Variants in MAPK10 observed in about 807,000 individuals in gnomAD.
MAPK10 encodes mitogen-activated protein kinase 10, also known as JNK3 alpha protein kinase.
Under a neutral mutation model 59.3 loss-of-function variants are expected in MAPK10, and 25 were observed. The ratio of observed to expected loss-of-function variants is 0.42; its 90% confidence interval spans 0.31 to 0.59. The LOEUF (loss-of-function observed/expected upper bound fraction) is 0.59. MAPK10 is among the 20% of genes least tolerant of loss of function. The pLI, the probability that MAPK10 is intolerant of heterozygous loss-of-function variation, is 0.15. For missense variants in MAPK10, 351 were observed against 568.9 expected (o/e 0.62, Z 3.90); for synonymous variants, 190 against 200.5 (o/e 0.95, Z 0.44).
chr4:86,440,853 G>C (rs987866638), intron 1 of MAPK10, among the ~76,000 whole-genome samples: 1 of 152,028 alleles, frequency 6.6e-6, no homozygotes, highest in African/African-American at 2.4e-5. Context: ...GTGGGTGTTC[G>C]GAAATATTTA....
At chr4:86,039,550 C>T (rs1331818807) in intron 11 of MAPK10, among the ~76,000 whole-genome samples, 1 of 152,178 alleles carries the variant, frequency 6.6e-6, no homozygotes, top group Non-Finnish European at 1.5e-5. Context: ...AAGGTCTATA[C>T]AGCAGACTTG....
chr4:86,013,600 ATTTT>A lies in MAPK10; in HGVS notation c.*3624_*3627del, dbSNP rs368733233. The A allele has an allele frequency of 1.4e-4, 21 of 151,546 alleles. No individual in the cohort carries two copies. The East Asian group carries it at 2.1e-3, about 15-fold the overall frequency. 9.4% of individuals were successfully genotyped at this position (151,546 alleles called of 1,614,324 possible). On this transcript the variant is annotated 3_prime_UTR_variant, in exon 14 of 14. Coordinates refer to ENST00000641462, the MANE Select transcript of MAPK10 (RefSeq NM_138982.4). ...ATTTTAAAACAAATCAAGTTTGCTT[ATTTT>A]TTTTTCCTTGACAGGACATAAAAGG...
At chr4:86,186,081 A>G (rs907666851) in intron 3 of MAPK10, among the ~76,000 whole-genome samples, 2 of 152,162 alleles carry the variant, frequency 1.3e-5, no homozygotes, top group Non-Finnish European at 1.5e-5. Flanking sequence ...AAATTTAATC[A>G]TCTATTTAAC....
At chr4:86,308,056 TG>T (rs1460760897) in intron 2 of MAPK10, among the ~76,000 whole-genome samples, 1 of 152,086 alleles carries the variant, frequency 6.6e-6, no homozygotes, top group Non-Finnish European at 1.5e-5. Flanking sequence ...CTGTCGAAAA[TG>T]ACTCAGATTC....
intron 1 of MAPK10, among the ~76,000 whole-genome samples, chr4:86,513,786 T>C (rs1020437347): frequency 1.3e-5 from 2 of 152,184 alleles, no homozygotes; most frequent in African/African-American, 4.8e-5. Flanking sequence ...TGACTCCTGA[T>C]AGAATAATAC....
At chr4:86,437,905 TA>T (rs1183464689) in intron 1 of MAPK10, among the ~76,000 whole-genome samples, 1 of 152,178 alleles carries the variant, frequency 6.6e-6, no homozygotes, top group Non-Finnish European at 1.5e-5. Flanking sequence ...GAATATTCTA[TA>T]ACAATAAAAA....
intron 1 of MAPK10, among the ~76,000 whole-genome samples, chr4:86,521,706 C>T (rs1328731318): frequency 6.6e-6 from 1 of 152,072 alleles, no homozygotes; most frequent in East Asian, 1.9e-4. Context: ...TGAGATCTTG[C>T]CCCAGGCTAC....
intron 1 of MAPK10, among the ~76,000 whole-genome samples, chr4:86,579,499 A>C (rs1762114004): frequency 6.9e-6 from 1 of 144,516 alleles, no homozygotes; most frequent in Admixed American, 7.2e-5. Context: ...AAATACAAGC[A>C]AATATGGATA....
intron 4 of MAPK10, among the ~76,000 whole-genome samples, chr4:86,111,669 G>A (rs1162063535): frequency 1.3e-5 from 2 of 152,128 alleles, no homozygotes; most frequent in Non-Finnish European, 2.9e-5. Context: ...GCTAATCAGG[G>A]ATATTGGCCT....
At chr4:86,216,599 A>G (rs1477140706) in intron 2 of MAPK10, among the ~76,000 whole-genome samples, 1 of 151,884 alleles carries the variant, frequency 6.6e-6, no homozygotes, top group Non-Finnish European at 1.5e-5. Flanking sequence ...CATAAGATTA[A>G]TCCCTAATAA....
chr4:86,513,194 C>T (rs1756413707), intron 1 of MAPK10, among the ~76,000 whole-genome samples: 1 of 152,102 alleles, frequency 6.6e-6, no homozygotes, highest in Non-Finnish European at 1.5e-5. Flanking sequence ...ACTACAGGCA[C>T]ATACCACTAT....
chr4:86,168,071 TGA>T (rs2072495764), intron 3 of MAPK10, among the ~76,000 whole-genome samples: 1 of 151,986 alleles, frequency 6.6e-6, no homozygotes, highest in African/African-American at 2.4e-5. Context: ...ACAAGCATTC[TGA>T]GAGGACAGCC....
chr4:86,166,379 A>T (rs2071730699), intron 3 of MAPK10, among the ~76,000 whole-genome samples: 1 of 152,184 alleles, frequency 6.6e-6, no homozygotes, highest in South Asian at 2.1e-4. Context: ...GTTAAATAAG[A>T]TAATCTATGT....
intron 2 of MAPK10, among the ~76,000 whole-genome samples, chr4:86,200,930 A>T (rs1045858860): frequency 2.0e-5 from 3 of 151,882 alleles, no homozygotes; most frequent in Non-Finnish European, 4.4e-5. Flanking sequence ...ATCCTACTGA[A>T]CACTAAATCT....
chr4:86,114,230 C>T (rs1051933852), intron 4 of MAPK10, among the ~76,000 whole-genome samples: 2 of 152,208 alleles, frequency 1.3e-5, no homozygotes, highest in African/African-American at 4.8e-5. Context: ...TCATCCATTG[C>T]AGTCTCACCC....
At chr4:86,537,546 G>T (rs1186408292) in intron 1 of MAPK10, among the ~76,000 whole-genome samples, 5 of 152,166 alleles carry the variant, frequency 3.3e-5, no homozygotes, top group African/African-American at 4.8e-5. Context: ...TGCCAAATGA[G>T]CATGAAAAAT....
intron 3 of MAPK10, 192 bp downstream of exon 3, chr4:86,194,144 T>C (rs992712863): frequency 3.5e-6 from 2 of 572,150 alleles, no homozygotes; most frequent in African/African-American, 3.7e-5. Flanking sequence ...ATCACTCGTC[T>C]TCTGCGTTGA....
At chr4:86,393,600 A>G (rs1742521280) in intron 1 of MAPK10, among the ~76,000 whole-genome samples, 1 of 152,236 alleles carries the variant, frequency 6.6e-6, no homozygotes, top group Non-Finnish European at 1.5e-5. Context: ...TTTTTTCTGA[A>G]GAAATCAAGT....
At chr4:86,294,341 A>C (rs1055820794) in intron 2 of MAPK10, among the ~76,000 whole-genome samples, 2 of 152,174 alleles carry the variant, frequency 1.3e-5, no homozygotes, top group Non-Finnish European at 2.9e-5. Context: ...CCCAACTTGA[A>C]ACTCATGGGC....
Sources: gnomAD v4.1 joint callset for allele counts (sites outside exome capture counted in the v4.1 genomes callset) on GRCh38, gnomAD v4.1.1 for gene constraint, MANE v1.5 for transcripts, NCBI Gene and HGNC (gene_info 2026-07-23, HGNC 2026-07-21) for gene names.